CWC27: variants seen among roughly 807,000 people sequenced by gnomAD.
CWC27 encodes CWC27 spliceosome associated cyclophilin, also known as spliceosome-associated protein CWC27 homolog.
Under a neutral mutation model 63.6 loss-of-function variants are expected in CWC27, and 47 were observed. The ratio of observed to expected loss-of-function variants is 0.74; its 90% confidence interval spans 0.58 to 0.94. The LOEUF is 0.94. CWC27 is among the 40% of genes least tolerant of loss of function. CWC27 has a pLI of 0.00. For missense variants in CWC27, 495 were observed against 554.3 expected (o/e 0.89, Z 1.07); for synonymous variants, 175 against 179.8 (o/e 0.97, Z 0.22).
At chr5:64,807,097 A>T (rs185243185) in intron 10 of CWC27, among the ~76,000 whole-genome samples, 2 of 152,326 alleles carry the variant, frequency 1.3e-5, no homozygotes, top group East Asian at 3.9e-4. Flanking sequence ...TACTCTTGAT[A>T]CATGAGTTTT....
At chr5:64,846,469 A>G (rs1745983254) in intron 10 of CWC27, among the ~76,000 whole-genome samples, 1 of 152,246 alleles carries the variant, frequency 6.6e-6, no homozygotes, top group Non-Finnish European at 1.5e-5. Flanking sequence ...AGTTGTTATC[A>G]GCTTATACTT....
chr5:65,003,363 C>T (rs1018588745), intron 13 of CWC27, among the ~76,000 whole-genome samples: 20 of 152,178 alleles, frequency 1.3e-4, no homozygotes, highest in African/African-American at 4.8e-4. Flanking sequence ...CTTTCCTCCT[C>T]TCTTCGTTTT....
At chr5:64,815,976 C>T (rs190210855) in intron 10 of CWC27, among the ~76,000 whole-genome samples, 4 of 152,222 alleles carry the variant, frequency 2.6e-5, no homozygotes. Flanking sequence ...GTATAGAATC[C>T]AGATAAAAGA....
chr5:64,824,980 C>T (rs1745321597), intron 10 of CWC27, among the ~76,000 whole-genome samples: 1 of 152,046 alleles, frequency 6.6e-6, no homozygotes, highest in African/African-American at 2.4e-5. Context: ...GATCCACCCG[C>T]CTCGGCCTCC....
At chr5:64,927,969 A>G (rs532617069) in intron 11 of CWC27, among the ~76,000 whole-genome samples, 4 of 152,300 alleles carry the variant, frequency 2.6e-5, no homozygotes, top group South Asian at 4.1e-4. Flanking sequence ...AGCCTGGACA[A>G]CATGGTAAAA....
At chr5:64,936,767 T>A (rs1419360063) in intron 11 of CWC27, among the ~76,000 whole-genome samples, 1 of 152,146 alleles carries the variant, frequency 6.6e-6, no homozygotes, top group African/African-American at 2.4e-5. Context: ...ATTACTGCCT[T>A]AAATTCAGAA....
At chr5:64,884,032 G>T (rs897758722) in intron 10 of CWC27, 1 of 152,084 alleles carries the variant, frequency 6.6e-6, no homozygotes, top group Non-Finnish European at 1.5e-5. Context: ...TTCCCTGGAG[G>T]TTTGTCTCCC....
intron 11 of CWC27, among the ~76,000 whole-genome samples, chr5:64,917,350 G>T (rs1193462855): frequency 6.6e-6 from 1 of 152,134 alleles, no homozygotes; most frequent in East Asian, 1.9e-4. Flanking sequence ...AGGGAATCTG[G>T]CAGTATCTTC....
At chr5:64,818,648 A>T (rs996615951) in intron 10 of CWC27, among the ~76,000 whole-genome samples, 1 of 152,156 alleles carries the variant, frequency 6.6e-6, no homozygotes, top group African/African-American at 2.4e-5. Flanking sequence ...TGGGTGAAGT[A>T]TGTATGTACA....
intron 11 of CWC27, among the ~76,000 whole-genome samples, chr5:64,949,124 A>AT (rs913841762): frequency 1.2e-3 from 172 of 148,974 alleles, no homozygotes; most frequent in Non-Finnish European, 1.5e-3. Context: ...TTTAGATATG[A>AT]TTTTTTTTTT....
intron 12 of CWC27, among the ~76,000 whole-genome samples, chr5:64,975,455 C>T (rs1001985577): frequency 6.6e-6 from 1 of 152,048 alleles, no homozygotes; most frequent in Admixed American, 6.5e-5. Flanking sequence ...CTTGATTTCT[C>T]GGACAGGTAG....
chr5:64,996,482 T>A (rs1580771856), intron 13 of CWC27, among the ~76,000 whole-genome samples: 1 of 152,122 alleles, frequency 6.6e-6, no homozygotes, highest in African/African-American at 2.4e-5. Flanking sequence ...AGTAAGAAAC[T>A]CTTACTGAGC....
At chr5:64,828,353 A>G (rs1017686650) in intron 10 of CWC27, among the ~76,000 whole-genome samples, 1 of 152,114 alleles carries the variant, frequency 6.6e-6, no homozygotes, top group Non-Finnish European at 1.5e-5. Flanking sequence ...GAACCATATT[A>G]ACTGTCTCCC....
At chr5:64,832,401 C>G (rs187075517) in intron 10 of CWC27, among the ~76,000 whole-genome samples, 1 of 151,454 alleles carries the variant, frequency 6.6e-6, no homozygotes, top group African/African-American at 2.4e-5. Flanking sequence ...TTATTGTCTA[C>G]TAATAGTTTG....
intron 10 of CWC27, among the ~76,000 whole-genome samples, chr5:64,875,892 T>A (rs1746781803): frequency 1.3e-5 from 2 of 152,274 alleles, no homozygotes; most frequent in South Asian, 4.2e-4. Context: ...AATTTCTGTT[T>A]AGTACTATCT....
At chr5:64,826,004 G>A (rs1455179911) in intron 10 of CWC27, among the ~76,000 whole-genome samples, 2 of 152,164 alleles carry the variant, frequency 1.3e-5, no homozygotes, top group Non-Finnish European at 2.9e-5. Context: ...CTTCCTGATG[G>A]CTTGCTTGCT....
intron 11 of CWC27, among the ~76,000 whole-genome samples, chr5:64,939,310 GTTAATA>G (rs1202663475): frequency 6.6e-6 from 1 of 152,092 alleles, no homozygotes; most frequent in Non-Finnish European, 1.5e-5. Context: ...CGTCCTTTTT[GTTAATA>G]TTGATATTGA....
At chr5:64,945,986 G>C (rs547533148) in intron 11 of CWC27, among the ~76,000 whole-genome samples, 82 of 152,198 alleles carry the variant, frequency 5.4e-4, no homozygotes, top group Admixed American at 1.6e-3. Context: ...TTTACTGCCA[G>C]TATATTCTTT....
At chr5:64,972,031 A>G (rs960520304) in intron 12 of CWC27, among the ~76,000 whole-genome samples, 1 of 152,208 alleles carries the variant, frequency 6.6e-6, no homozygotes, top group Non-Finnish European at 1.5e-5. Flanking sequence ...TGGAACTTCC[A>G]CGTTTCAACC....
Sources: allele counts gnomAD v4.1 joint callset (sites outside exome capture counted in the v4.1 genomes callset), GRCh38; gene constraint gnomAD v4.1.1; transcripts MANE v1.5; gene names NCBI Gene and HGNC (gene_info 2026-07-23, HGNC 2026-07-21).